Variants in ZNF91 observed in about 807,000 individuals in gnomAD.
ZNF91 encodes the protein zinc finger protein 91, also known as zinc finger protein 91 (HPF7, HTF10).
Under a neutral mutation model 12.6 loss-of-function variants are expected in ZNF91, and 7 were observed. The observed-to-expected ratio is 0.55, with a 90% CI of 0.31 to 1.04. The LOEUF (loss-of-function observed/expected upper bound fraction) is 1.04, where lower values mean the gene tolerates loss of function less well. Ranked by LOEUF, ZNF91 falls within the 50% of genes least tolerant of loss-of-function variation. The pLI, the probability that ZNF91 is intolerant of heterozygous loss-of-function variation, is 0.05. For missense variants in ZNF91, 1,217 were observed against 1,385.4 expected (o/e 0.88, Z 1.93); for synonymous variants, 453 against 462.6 (o/e 0.98, Z 0.27).
At chr19:23,389,159 A>T (rs555541828) in intron 1 of ZNF91, among the ~76,000 whole-genome samples, 5 of 147,952 alleles carry the variant, frequency 3.4e-5, no homozygotes, top group Admixed American at 6.8e-5. Flanking sequence ...ATAGAAGTTT[A>T]AAAAAAAAAA....
chr19:23,323,735 ATTCTCCTCT>A (rs1967772551), intron 1 of ZNF91, among the ~76,000 whole-genome samples: 1 of 100,346 alleles, frequency 1.0e-5, no homozygotes, highest in Non-Finnish European at 1.9e-5. Context: ...CCTTCTCCTC[ATTCTCCTCT>A]CCTCTTTTTC....
intron 3 of ZNF91, among the ~76,000 whole-genome samples, chr19:23,344,162 T>C (rs547988770): frequency 1.3e-5 from 2 of 152,162 alleles, no homozygotes; most frequent in African/African-American, 4.8e-5. Flanking sequence ...TGGCGTGATC[T>C]TGGCTTACTG....
rs11878264 is a variant in ZNF91 at position 23,393,832 on chromosome 19, T to A, written c.30+1493A>T. Among the ~76,000 whole-genome samples the A allele has an allele frequency of 7.9e-3, 1,203 of 152,148 alleles. 15 individuals are homozygous for A. The highest frequency in any genetic ancestry group is 0.028 in the African/African-American group (1,146 of 41,498). ...CTGGCCAACATAGTGAAACCCTGTC[T>A]GTACTAAAAATACAAAAATTAGCCA... is the stretch of plus-strand genomic sequence containing the variant. On this transcript the variant is annotated intron_variant, in intron 1 of 3. Transcript: ENST00000300619.
At chr19:23,356,779 A>G (rs948612569), downstream of ZNF91, among the ~76,000 whole-genome samples, 1 of 151,920 alleles carries the variant, frequency 6.6e-6, no homozygotes, top group Non-Finnish European at 1.5e-5. Context: ...ACAGGCTCAC[A>G]TAATGAATTC....
chr19:23,390,149 T>C (rs1158953101), intron 1 of ZNF91, among the ~76,000 whole-genome samples: 2 of 152,062 alleles, frequency 1.3e-5, no homozygotes, highest in Non-Finnish European at 2.9e-5. Context: ...AAACTCTGTC[T>C]CTAGTAAAAA....
chr19:23,367,486 C>G (rs1231835099), intron 3 of ZNF91, among the ~76,000 whole-genome samples: 1 of 152,094 alleles, frequency 6.6e-6, no homozygotes, highest in East Asian at 1.9e-4. Context: ...GTCAATACAA[C>G]CAACAGTGGT....
chr19:23,327,273 T>C (rs538409704), intron 1 of ZNF91: 1 of 152,306 alleles, frequency 6.6e-6, no homozygotes, highest in South Asian at 2.1e-4. Context: ...TAGGAGAACA[T>C]ACTTTACCCT....
chr19:23,364,662 AG>A (rs919135514), intron 3 of ZNF91, among the ~76,000 whole-genome samples: 4 of 152,136 alleles, frequency 2.6e-5, no homozygotes, highest in African/African-American at 9.7e-5. Context: ...CACATTTAAA[AG>A]TGTTTCTCCC....
intron 3 of ZNF91, among the ~76,000 whole-genome samples, chr19:23,368,900 T>A (rs1969139410): frequency 6.6e-6 from 1 of 151,910 alleles, no homozygotes; most frequent in African/African-American, 2.4e-5. Context: ...ACACACAAAA[T>A]TACTAATTTG....
chr19:23,365,721 G>A (rs557069970), intron 3 of ZNF91, among the ~76,000 whole-genome samples: 4 of 152,226 alleles, frequency 2.6e-5, no homozygotes, highest in Admixed American at 6.5e-5. Flanking sequence ...GCGGCCTTCC[G>A]CAGTGTTTGT....
intron 3 of ZNF91, among the ~76,000 whole-genome samples, chr19:23,352,049 AC>A (rs1968379732): frequency 6.6e-6 from 1 of 152,198 alleles, no homozygotes. Context: ...CCTGGCCAGA[AC>A]CCAGGGGAAG....
chr19:23,319,810 T>G (rs1031085869), intron 1 of ZNF91, among the ~76,000 whole-genome samples: 1 of 152,206 alleles, frequency 6.6e-6, no homozygotes, highest in Non-Finnish European at 1.5e-5. Flanking sequence ...CATGAGTGAT[T>G]GTGACATATA....
In ZNF91 at chr19:23,360,933, T is replaced by C; in HGVS notation, c.2046A>G (p.Glu682=). The C allele has an allele frequency of 6.2e-7, 1 of 1,613,862 alleles. No homozygotes were observed. Among genetic ancestry groups the C allele is most frequent in the Non-Finnish European group, 8.5e-7 (1 of 1,179,810 alleles). The change falls in exon 4 of 4, where the codon GAA becomes GAG. Residue 682 remains glutamate, a synonymous_variant. Transcript: ENST00000300619. The part of the protein sequence containing the change: ...TLANHKITHT[E]EKPYKCKECD... ...ATTCTTTACATTTGTAGGGTTTCTC[T>C]TCAGTATGAGTTATCTTATGATTAG...
chr19:23,362,744 AAAT>A lies in ZNF91; in HGVS notation c.254-22_254-20del. 7.0e-7 allele frequency: 1 copy of A among 1,425,132 alleles called. No homozygotes were observed. The highest frequency in any genetic ancestry group is 9.2e-7 in the Non-Finnish European group (1 of 1,088,862). The allele number at this position is 1,425,132 out of a possible 1,614,324, so 88.3% of individuals were successfully genotyped here. A position where few individuals can be genotyped will look rare whatever the true frequency, so the allele number is the denominator to read the frequency against. On this transcript the variant is annotated intron_variant, in intron 3 of 3. Coordinates refer to ENST00000300619, the MANE Select transcript of ZNF91 (RefSeq NM_003430.4). Reference sequence around the variant, plus strand: ...CATATACCTGAAAAAAAAAAACTAAAAATAATAAATTACTCCACTCACCTAGAC... The same window carrying A: ...CATATACCTGAAAAAAAAAAACTAAAAATAAATTACTCCACTCACCTAGAC...
intron 1 of ZNF91, chr19:23,324,593 A>T (rs147790341): frequency 2.6e-5 from 4 of 151,080 alleles, no homozygotes; most frequent in Non-Finnish European, 5.9e-5. Flanking sequence ...ATATATATTT[A>T]TAGATATATT....
rs372726951 is a variant in ZNF91, at chr19:23,305,992, C to T, written n.278-861G>A. Among the ~76,000 whole-genome samples the T allele has an allele frequency of 1.4e-4, 22 of 152,310 alleles. 1 individual carries two copies. The East Asian group carries it at 3.5e-3, about 24-fold the overall frequency. On this transcript the variant is annotated intron_variant and non_coding_transcript_variant, in intron 3 of 3. Coordinates refer to the ZNF91 transcript ENST00000593292. ...TCTACATCTGCACCCTTAGAATATGCTAAGATACTGAAAAATGTCTTTGGA... is the reference window on the plus strand; with the variant it reads ...TCTACATCTGCACCCTTAGAATATGTTAAGATACTGAAAAATGTCTTTGGA...
chr19:23,344,716 G>T (rs1198835491), intron 3 of ZNF91, among the ~76,000 whole-genome samples: 1 of 152,134 alleles, frequency 6.6e-6, no homozygotes, highest in Admixed American at 6.5e-5. Flanking sequence ...ACCCCAATAA[G>T]AATGTTTTAT....
chr19:23,379,731 G>A (rs2145113605), intron 1 of ZNF91, among the ~76,000 whole-genome samples: 1 of 152,422 alleles, frequency 6.6e-6, no homozygotes, highest in Admixed American at 6.5e-5. Context: ...TTCTACAAAA[G>A]TGGTTGAATA....
intron 3 of ZNF91, among the ~76,000 whole-genome samples, chr19:23,305,978 AC>A (rs2068004369): frequency 6.6e-6 from 1 of 152,240 alleles, no homozygotes; most frequent in Non-Finnish European, 1.5e-5. Flanking sequence ...CTACATCTGC[AC>A]CCTTAGAATA....
Sources: gnomAD v4.1 joint callset for allele counts (sites outside exome capture counted in the v4.1 genomes callset) on GRCh38, gnomAD v4.1.1 for gene constraint, MANE v1.5 for transcripts, NCBI Gene and HGNC (gene_info 2026-07-23, HGNC 2026-07-21) for gene names.